The following CNKSR2 variants were observed in gnomAD, a reference collection of about 807,000 sequenced individuals.
CNKSR2 encodes CNK homolog protein 2.
CNKSR2 carries 14 observed loss-of-function variants against 84.4 expected under a neutral mutation model. The ratio of observed to expected loss-of-function variants is 0.17; its 90% CI spans 0.11 to 0.26. CNKSR2 has a LOEUF of 0.26. Among genes scored for constraint, CNKSR2 ranks in the 10% least tolerant of loss-of-function variants. CNKSR2 has a pLI of 1.00. For synonymous variants in CNKSR2, 275 were observed against 277.9 expected, an observed-to-expected ratio of 0.99 and a Z score of 0.10; for missense variants, 485 against 771.2, an observed-to-expected ratio of 0.63 and a Z score of 4.40.
intron 4 of CNKSR2, among the ~76,000 whole-genome samples, chrX:21,444,617 C>T (rs183565001): frequency 9.0e-6 from 1 of 110,585 alleles, no homozygotes; most frequent in Non-Finnish European, 1.9e-5. Flanking sequence ...AATGGCCACT[C>T]GAGTTATTTT....
intron 9 of CNKSR2, among the ~76,000 whole-genome samples, chrX:21,526,660 C>T (rs754491959): frequency 9.0e-6 from 1 of 111,206 alleles, no homozygotes; most frequent in African/African-American, 3.2e-5. Flanking sequence ...GAAGTGGAAA[C>T]CTTTACCATA....
intron 13 of CNKSR2, among the ~76,000 whole-genome samples, chrX:21,584,817 A>G (rs2092375565): frequency 9.0e-6 from 1 of 111,429 alleles, no homozygotes; most frequent in Non-Finnish European, 1.9e-5. Context: ...CAGATCATGT[A>G]GGGCCTTCAA....
chrX:21,566,045 A>G lies in CNKSR2; in HGVS notation c.1608+2593A>G, dbSNP rs570923870. 3.6e-5 allele frequency among the ~76,000 whole-genome samples: 4 copies of G among 112,133 alleles called. No homozygotes were observed. The South Asian group carries it at 1.5e-3, about 41-fold the overall frequency. On this transcript the variant is annotated intron_variant, in intron 13 of 21. Transcript: ENST00000379510. ...CGCACTCTATCCTGTTGCTTTGTGC[A>G]TGGTACACATTCCATATACAGAGGA...
At chrX:21,622,187 C>A (rs999939633) in intron 20 of CNKSR2, among the ~76,000 whole-genome samples, 1 of 111,004 alleles carries the variant, frequency 9.0e-6, no homozygotes, top group African/African-American at 3.3e-5. Flanking sequence ...CATTATAGTT[C>A]TACTTTTTAT....
intron 1 of CNKSR2, among the ~76,000 whole-genome samples, chrX:21,419,352 C>T (rs745507440): frequency 9.0e-5 from 10 of 111,025 alleles, no homozygotes; most frequent in Non-Finnish European, 1.7e-4. Context: ...ATTTTGAATT[C>T]TCTACCTGAA....
chrX:21,638,254 A>G (rs1022286764), intron 20 of CNKSR2, among the ~76,000 whole-genome samples: 1 of 111,988 alleles, frequency 8.9e-6, no homozygotes, highest in African/African-American at 3.2e-5. Context: ...TTGAAGTATC[A>G]TCAGCTATTT....
Position 21,440,774 on chromosome X carries a change from T to A in CNKSR2, c.512T>A (p.Val171Glu). The A allele has an allele frequency of 8.7e-7, 1 of 1,151,810 alleles. No individual in the cohort carries two copies. Among genetic ancestry groups the A allele is most frequent in the Non-Finnish European group, 1.2e-6 (1 of 848,116 alleles). 94.9% of individuals were successfully genotyped at this position (1,151,810 alleles called of 1,213,427 possible). A position where few individuals can be genotyped will look rare whatever the true frequency, so the allele number is the denominator to read the frequency against. The stretch of plus-strand genomic sequence containing the variant: ...CTCTGCCTGGAGTTAACAACAATTG[T>A]GCAACAGGTATTAGCTGACAAACTT... The part of the protein sequence containing the change: ...IQLCLELTTI[V>E]QQDCTVYETE... Residue 171 changes from valine to glutamate, a missense_variant, in exon 4 of 22, where the codon GTG (valine) becomes GAG (glutamate). By Grantham distance (121) the Val-to-Glu change is moderately radical (BLOSUM62 -2). Transcript: ENST00000379510.
intron 5 of CNKSR2, among the ~76,000 whole-genome samples, chrX:21,480,406 C>A (rs750609771): frequency 8.9e-5 from 10 of 111,961 alleles, no homozygotes; most frequent in African/African-American, 3.2e-4. Flanking sequence ...AAAATCCAAG[C>A]TAAAATCAAA....
chrX:21,582,169 A>G (rs1184446074), intron 13 of CNKSR2, among the ~76,000 whole-genome samples: 3 of 111,925 alleles, frequency 2.7e-5, no homozygotes, highest in East Asian at 2.8e-4. Flanking sequence ...TGCAGATGTT[A>G]TTATAAGCGG....
chrX:21,485,797 C>A (rs1279447227), intron 5 of CNKSR2, among the ~76,000 whole-genome samples: 1 of 111,827 alleles, frequency 8.9e-6, no homozygotes, highest in Admixed American at 9.5e-5. Flanking sequence ...ATTTTAGGTA[C>A]AAATTTTTCT....
intron 8 of CNKSR2, among the ~76,000 whole-genome samples, chrX:21,502,307 C>T (rs2091567491): frequency 9.6e-6 from 1 of 104,288 alleles, no homozygotes; most frequent in African/African-American, 3.4e-5. Flanking sequence ...ACATTATATG[C>T]TTTTCATTTT....
intron 10 of CNKSR2, among the ~76,000 whole-genome samples, chrX:21,528,796 A>G (rs1346131109): frequency 9.0e-6 from 1 of 111,137 alleles, no homozygotes; most frequent in African/African-American, 3.3e-5. Flanking sequence ...ATACATTTTG[A>G]GTCAAATTAT....
intron 13 of CNKSR2, among the ~76,000 whole-genome samples, chrX:21,567,579 G>C (rs1381010708): frequency 8.9e-6 from 1 of 111,860 alleles, no homozygotes; most frequent in African/African-American, 3.3e-5. Context: ...GAAAACTTCA[G>C]TTCCAGCTAG....
chrX:21,382,199 G>A (rs548363209), intron 1 of CNKSR2, among the ~76,000 whole-genome samples: 1 of 111,868 alleles, frequency 8.9e-6, no homozygotes, highest in East Asian at 2.8e-4. Context: ...TATATTGTGT[G>A]CCAGAATACA....
At chrX:21,457,529 C>A (rs1256355792) in intron 4 of CNKSR2, among the ~76,000 whole-genome samples, 1 of 111,608 alleles carries the variant, frequency 9.0e-6, no homozygotes, top group Non-Finnish European at 1.9e-5. Flanking sequence ...TTAGGTAAGA[C>A]GCATTGATAT....
At chrX:21,375,035 C>A in intron 1 of CNKSR2, 74 bp downstream of exon 1, 1 of 906,654 alleles carries the variant, frequency 1.1e-6, no homozygotes, top group East Asian at 3.1e-5. Flanking sequence ...AGGGGGCGCC[C>A]GCCGCGCCAG....
intron 20 of CNKSR2, among the ~76,000 whole-genome samples, chrX:21,622,448 G>C (rs1012533717): frequency 1.8e-5 from 2 of 110,942 alleles, no homozygotes; most frequent in Admixed American, 9.6e-5. Flanking sequence ...CATTGGGACA[G>C]TTTACGTTTG....
intron 4 of CNKSR2, among the ~76,000 whole-genome samples, chrX:21,454,654 G>A (rs773801409): frequency 7.1e-5 from 8 of 111,911 alleles, no homozygotes; most frequent in Middle Eastern, 4.6e-3. Context: ...GAGCAATTCC[G>A]ACCTAAAAGG....
At chrX:21,634,986 A>G (rs778804900) in intron 20 of CNKSR2, among the ~76,000 whole-genome samples, 1 of 106,660 alleles carries the variant, frequency 9.4e-6, no homozygotes, top group African/African-American at 3.4e-5. Flanking sequence ...TTTTTATTAG[A>G]AGAATATCAT....
Sources: gnomAD v4.1 joint callset for allele counts (sites outside exome capture counted in the v4.1 genomes callset) on GRCh38, gnomAD v4.1.1 for gene constraint, MANE v1.5 for transcripts, NCBI Gene and HGNC (gene_info 2026-07-23, HGNC 2026-07-21) for gene names.